Variants in ATP8A1 observed in about 807,000 individuals in gnomAD.
ATP8A1 encodes the protein phospholipid-transporting ATPase IA.
In ATP8A1, 90 loss-of-function variants were observed where a neutral mutation model predicts 177.7. That is an observed-to-expected ratio of 0.51 (90% confidence interval 0.43 to 0.60). The LOEUF (loss-of-function observed/expected upper bound fraction) is 0.60. Among genes scored for constraint, ATP8A1 ranks in the 20% least tolerant of loss-of-function variants. The pLI, the probability that ATP8A1 is intolerant of heterozygous loss-of-function variation, is 0.00. For missense variants in ATP8A1, 1,072 were observed against 1,392.8 expected (o/e 0.77, Z 3.67); for synonymous variants, 493 against 485.9 (o/e 1.01, Z -0.19).
At chr4:42,650,225 A>C (rs991984666) in intron 1 of ATP8A1, among the ~76,000 whole-genome samples, 17 of 152,266 alleles carry the variant, frequency 1.1e-4, no homozygotes, top group African/African-American at 4.1e-4. Flanking sequence ...AAATAATCAG[A>C]TCTAATACAC....
intron 9 of ATP8A1, 82 bp from the exon 10 acceptor site, chr4:42,581,814 C>T (rs1733112013): frequency 7.2e-6 from 7 of 976,472 alleles, no homozygotes; most frequent in Non-Finnish European, 1.1e-5. Context: ...TACAAAAGTA[C>T]CCATTATTAA....
At chr4:42,541,674 A>G (rs1240996998) in intron 20 of ATP8A1, among the ~76,000 whole-genome samples, 1 of 152,246 alleles carries the variant, frequency 6.6e-6, no homozygotes, top group Admixed American at 6.5e-5. Context: ...CAGACAATGG[A>G]TTATTCAGTG....
At chr4:42,494,754 T>A (rs2153191349) in intron 24 of ATP8A1, among the ~76,000 whole-genome samples, 1 of 152,354 alleles carries the variant, frequency 6.6e-6, no homozygotes, top group Non-Finnish European at 1.5e-5. Flanking sequence ...AGTTATAAAC[T>A]GATGTGGCAT....
chr4:42,638,401 G>A (rs182778136), intron 1 of ATP8A1, among the ~76,000 whole-genome samples: 3 of 152,266 alleles, frequency 2.0e-5, no homozygotes, highest in African/African-American at 7.2e-5. Context: ...TCTAAGTGGT[G>A]GATTCTAAAG....
At chr4:42,435,446 AAAAC>A (rs1481103379) in intron 33 of ATP8A1, among the ~76,000 whole-genome samples, 105 of 114,906 alleles carry the variant, frequency 9.1e-4, no homozygotes, top group South Asian at 3.8e-3. Flanking sequence ...AAAAAAAAAA[AAAAC>A]AAAAAAAAAA....
At chr4:42,621,063 A>G (rs1457752570) in intron 4 of ATP8A1, among the ~76,000 whole-genome samples, 2 of 152,230 alleles carry the variant, frequency 1.3e-5, no homozygotes, top group Non-Finnish European at 2.9e-5. Context: ...GAAAGTGACA[A>G]AAGTGTAGTA....
chr4:42,552,368 C>T (rs1194978131), intron 17 of ATP8A1, 137 bp downstream of exon 17: 2 of 666,286 alleles, frequency 3.0e-6, no homozygotes, highest in African/African-American at 3.7e-5. Context: ...ACCTTGAAAG[C>T]CAAGGTTTTT....
chr4:42,482,342 A>AG (rs1233449210), intron 25 of ATP8A1, among the ~76,000 whole-genome samples: 2 of 151,218 alleles, frequency 1.3e-5, no homozygotes, highest in Admixed American at 6.6e-5. Context: ...AACAAAAAAA[A>AG]AAAAGAAAAG....
intron 33 of ATP8A1, among the ~76,000 whole-genome samples, chr4:42,430,500 T>C (rs1715155680): frequency 6.6e-6 from 1 of 151,128 alleles, no homozygotes; most frequent in Non-Finnish European, 1.5e-5. Flanking sequence ...TTTCTCCAAC[T>C]TTTAAGTTTA....
intron 35 of ATP8A1, chr4:42,415,075 T>A (rs1255186639): frequency 3.6e-5 from 6 of 168,820 alleles, no homozygotes; most frequent in Non-Finnish European, 7.6e-5. Flanking sequence ...TATTCACTTT[T>A]AAAAACTGAC....
At chr4:42,520,165 G>A (rs1725969578) in intron 22 of ATP8A1, among the ~76,000 whole-genome samples, 1 of 152,034 alleles carries the variant, frequency 6.6e-6, no homozygotes, top group African/African-American at 2.4e-5. Flanking sequence ...AAGGATATTA[G>A]GTACATTAAA....
intron 25 of ATP8A1, chr4:42,471,818 T>C: frequency 1.9e-6 from 1 of 529,120 alleles, no homozygotes; most frequent in Non-Finnish European, 3.6e-6. Flanking sequence ...CCATGTTCAT[T>C]TCAAGCACCA....
rs114278949 is a variant in ATP8A1, at chr4:42,485,943, G to T, written c.2152-275C>A. Among the ~76,000 whole-genome samples, 642 of 152,260 alleles carry T rather than the reference G, an allele frequency of 4.2e-3. 10 individuals carry two copies. The highest frequency in any genetic ancestry group is 0.014 in the African/African-American group (593 of 41,534). ...AGTCACCTGTTTCTCAGGTGATTCT[G>T]TAGTCTTTGCTCATTATTCTAACCA... On this transcript the variant is annotated intron_variant, in intron 24 of 36. Coordinates refer to ENST00000381668, the MANE Select transcript of ATP8A1 (RefSeq NM_006095.2).
Position 42,551,250 on chromosome 4 carries a change from T to C in ATP8A1, c.1550A>G (p.Gln517Arg), listed in dbSNP as rs1474594415. 6.2e-7 allele frequency: 1 copy of C among 1,613,900 alleles called. No homozygotes were observed. Among genetic ancestry groups the C allele is most frequent in the Admixed American group, 1.7e-5 (1 of 60,022 alleles). ...TCTTCCAGTGAAAACAAAATTCAAT[T>C]GCTTGGCTGCTCTGACCAATGCTCC... is the stretch of plus-strand genomic sequence containing the variant. ...DEGALVRAAK[Q>R]LNFVFTGRTP... The change falls in exon 18 of 37, where the codon CAA becomes CGA. Residue 517 changes from glutamine (Q) to arginine (R), a missense_variant. Transcript: ENST00000381668.
intron 20 of ATP8A1, among the ~76,000 whole-genome samples, chr4:42,534,617 C>T (rs1727592216): frequency 6.6e-6 from 1 of 152,148 alleles, no homozygotes; most frequent in South Asian, 2.1e-4. Flanking sequence ...ATTTCCCTGG[C>T]CTTGCTAGAG....
At chr4:42,580,806 C>T (rs1056594386) in intron 10 of ATP8A1, among the ~76,000 whole-genome samples, 6 of 151,986 alleles carry the variant, frequency 3.9e-5, no homozygotes, top group Non-Finnish European at 4.4e-5. Context: ...AACACAGGGA[C>T]GGAGCAACTG....
intron 1 of ATP8A1, among the ~76,000 whole-genome samples, chr4:42,630,197 A>C (rs769888559): frequency 8.5e-5 from 13 of 152,214 alleles, no homozygotes; most frequent in Non-Finnish European, 1.8e-4. Flanking sequence ...ATGGTGACAA[A>C]GGCAATCAAA....
At chr4:42,523,827 T>C (rs1234073198) in intron 21 of ATP8A1, among the ~76,000 whole-genome samples, 1 of 152,244 alleles carries the variant, frequency 6.6e-6, no homozygotes, top group Non-Finnish European at 1.5e-5. Context: ...TCCATGCTTT[T>C]ACATTTTGAA....
At chr4:42,612,843 TGA>T (rs890862188) in intron 5 of ATP8A1, among the ~76,000 whole-genome samples, 69 of 152,294 alleles carry the variant, frequency 4.5e-4, no homozygotes, top group African/African-American at 1.7e-3. Flanking sequence ...TGCTAAGGAA[TGA>T]GAGTGTTACC....
Sources: gnomAD v4.1 joint callset for allele counts (sites outside exome capture counted in the v4.1 genomes callset) on GRCh38, gnomAD v4.1.1 for gene constraint, MANE v1.5 for transcripts, NCBI Gene and HGNC (gene_info 2026-07-23, HGNC 2026-07-21) for gene names.